The following XPO6 variants were observed in gnomAD, a reference collection of about 807,000 sequenced individuals.
XPO6 encodes the protein exportin-6.
A neutral mutation model predicts 130.0 loss-of-function variants in XPO6; 3 were observed. The observed-to-expected ratio is 0.02, with a 90% CI of 0.01 to 0.06. The LOEUF (loss-of-function observed/expected upper bound fraction) is 0.06, where lower values mean the gene tolerates loss of function less well. Among genes scored for constraint, XPO6 ranks in the 10% least tolerant of loss-of-function variants. The pLI is 1.00. For synonymous variants in XPO6, 524 were observed against 548.9 expected (o/e 0.95, Z 0.63); for missense variants, 970 against 1,393.0 (o/e 0.70, Z 4.83).
intron 1 of XPO6, among the ~76,000 whole-genome samples, chr16:28,202,647 C>T (rs1596976023): frequency 6.6e-6 from 1 of 152,226 alleles, no homozygotes; most frequent in South Asian, 2.1e-4. Flanking sequence ...AGAACCAGGG[C>T]AAGACAGAGG....
chr16:28,190,949 A>T (rs1172972066), intron 1 of XPO6, among the ~76,000 whole-genome samples: 1 of 152,216 alleles, frequency 6.6e-6, no homozygotes, highest in Non-Finnish European at 1.5e-5. Context: ...GTTTGGGTAA[A>T]GGGTATGAGA....
chr16:28,119,658 A>G (rs74418508), intron 14 of XPO6, among the ~76,000 whole-genome samples: 4 of 148,474 alleles, frequency 2.7e-5, no homozygotes, highest in Non-Finnish European at 4.5e-5. Context: ...TGGATCCAAG[A>G]AAAAAAAAAG....
At chr16:28,122,124 C>A (rs1017149700) in intron 13 of XPO6, among the ~76,000 whole-genome samples, 13 of 152,074 alleles carry the variant, frequency 8.5e-5, no homozygotes, top group Admixed American at 3.9e-4. Context: ...AATATACATA[C>A]AGAATACATC....
At chr16:28,171,717 T>G (rs2043453069) in intron 4 of XPO6, among the ~76,000 whole-genome samples, 1 of 152,200 alleles carries the variant, frequency 6.6e-6, no homozygotes, top group African/African-American at 2.4e-5. Context: ...ACAATTTTTA[T>G]CTTCGTTTTC....
intron 1 of XPO6, among the ~76,000 whole-genome samples, chr16:28,201,273 C>T (rs999687904): frequency 4.6e-5 from 7 of 152,198 alleles, no homozygotes; most frequent in African/African-American, 1.7e-4. Context: ...TTCACTCTTA[C>T]CACCCTCTCC....
intron 17 of XPO6, among the ~76,000 whole-genome samples, chr16:28,109,193 C>CA (rs553740941): frequency 6.7e-4 from 102 of 151,750 alleles, no homozygotes; most frequent in African/African-American, 2.4e-3. Flanking sequence ...AAATACAAGT[C>CA]AAAAATTGAA....
In XPO6 at chr16:28,166,473, A is replaced by G. The variant is rs73525027; in HGVS notation, c.643+35T>C. On this transcript the variant is annotated intron_variant, in intron 6 of 23. Transcript: ENST00000304658. ...CACACCTGGCCCCCAATACATTTAA[A>G]AAGAAGAATGCCTTGGCTGGCAGGC... 23,864 of 1,556,466 alleles carry G rather than the reference A, an allele frequency of 0.015. 2,313 individuals are homozygous for G. The African/African-American group carries it at 0.25, about 16-fold the overall frequency.
At chr16:28,134,336 G>A (rs1235648242) in intron 10 of XPO6, among the ~76,000 whole-genome samples, 1 of 152,178 alleles carries the variant, frequency 6.6e-6, no homozygotes, top group Non-Finnish European at 1.5e-5. Flanking sequence ...ATCCCCTGGT[G>A]GGCTGTCAGA....
In XPO6 at chr16:28,113,034, A is replaced by C; in HGVS notation, c.2021T>G (p.Leu674Arg). 14 of 1,614,068 alleles carry C rather than the reference A, an allele frequency of 8.7e-6. No individual in the cohort carries two copies. The highest frequency in any genetic ancestry group is 1.2e-5 in the Non-Finnish European group (14 of 1,179,988). Residue 674 changes from leucine (L) to arginine (R), a missense_variant, in exon 16 of 24, where the codon CTG becomes CGG. Leu to Arg is a moderately radical substitution (Grantham distance 102). Transcript: ENST00000304658. ...GACCAGTAAGTGGCACGCAGATAGC[A>C]GCAGCTTGTCTTGGACCTGCAGAGG... Reference protein sequence around the residue: ...LISTKVQDKLLLSACHLLVSL... With the variant: ...LISTKVQDKLRLSACHLLVSL...
rs11639685 is a variant in XPO6 at position 28,144,853 on chromosome 16, G to A, written c.1334+1241C>T. On this transcript the variant is annotated intron_variant, in intron 9 of 23. Transcript: ENST00000304658. ...GGAAACAGAAGCTTCCACAGGCTAA[G>A]TACCTTACCCAAGTACCCCTAGGTA... Among the ~76,000 whole-genome samples, 890 of 152,282 alleles carry A rather than the reference G, an allele frequency of 5.8e-3. 7 individuals carry two copies. Among genetic ancestry groups the A allele is most frequent in the Non-Finnish European group, 9.5e-3 (647 of 68,024 alleles).
chr16:28,206,112 G>A (rs945884959), intron 1 of XPO6, among the ~76,000 whole-genome samples: 1 of 148,384 alleles, frequency 6.7e-6, no homozygotes, highest in Non-Finnish European at 1.5e-5. Flanking sequence ...GTTCATAGAT[G>A]TAAGATGCCT....
intron 13 of XPO6, 149 bp from the exon 14 acceptor site, chr16:28,121,911 G>A: frequency 2.0e-5 from 12 of 588,912 alleles, no homozygotes; most frequent in South Asian, 6.3e-5. Context: ...TTTATGCCAA[G>A]GAAATAATCT....
rs776023941 is a variant in XPO6, at chr16:28,132,381, A to G, written c.1559T>C (p.Leu520Ser). Reference protein sequence around the residue: ...STLFPVLQDNLEVYLGLQQFI... With the variant: ...STLFPVLQDNSEVYLGLQQFI... Reference sequence around the variant, plus strand: ...CTGTTGTAATCCCAAATAAACTTCTAAATTGTCCTGAAGAACAGGGAACTG... The same window carrying G: ...CTGTTGTAATCCCAAATAAACTTCTGAATTGTCCTGAAGAACAGGGAACTG... Residue 520 changes from leucine to serine, a missense_variant, in exon 12 of 24, where the codon TTA (leucine) becomes TCA (serine). This residue lies in a region of XPO6 where 936 missense variants were observed against 1,306.8 expected (regional missense o/e 0.72). Coordinates refer to ENST00000304658, the MANE Select transcript of XPO6 (RefSeq NM_015171.4). This position sits in a 1 kb window ranked among gnomAD's most constrained non-coding sequence, Gnocchi z 4.0. 6.2e-7 allele frequency: 1 copy of G among 1,607,202 alleles called. No individual in the cohort carries two copies. Among genetic ancestry groups the G allele is most frequent in the Non-Finnish European group, 8.5e-7 (1 of 1,176,808 alleles).
intron 4 of XPO6, among the ~76,000 whole-genome samples, chr16:28,171,161 A>G (rs1165644017): frequency 2.6e-5 from 4 of 151,682 alleles, no homozygotes; most frequent in Admixed American, 1.3e-4. Flanking sequence ...CAGACTTTAT[A>G]TTCTTCACTT....
intron 4 of XPO6, among the ~76,000 whole-genome samples, chr16:28,171,084 T>C (rs2043441166): frequency 6.6e-6 from 1 of 151,984 alleles, no homozygotes; most frequent in Non-Finnish European, 1.5e-5. Flanking sequence ...TTTTTTTTTT[T>C]TTTACTTAAG....
chr16:28,196,001 A>G (rs1239870401), intron 1 of XPO6, among the ~76,000 whole-genome samples: 7 of 152,224 alleles, frequency 4.6e-5, no homozygotes. Flanking sequence ...GTAAATGCCT[A>G]GAAGTTTTCT....
At position 28,180,968 on chromosome 16, in the gene XPO6, T is replaced by C; in HGVS notation, c.67A>G (p.Thr23Ala). ...SLMTEFFHDC[T>A]TNERKREIEE... ...ATCTCACGTTTTCTTTCATTGGTTG[T>C]ACAATCGTGAAAAAATTCTGTCATC... Residue 23 changes from threonine to alanine, a missense_variant, in exon 2 of 24, where the codon ACA becomes GCA. Physicochemically the swap from Thr to Ala is moderately conservative, Grantham distance 58 (BLOSUM62 0). Transcript: ENST00000304658. The C allele has an allele frequency of 6.2e-7, 1 of 1,613,784 alleles. No homozygotes were observed. Among genetic ancestry groups the C allele is most frequent in the Non-Finnish European group, 8.5e-7 (1 of 1,179,910 alleles).
intron 1 of XPO6, among the ~76,000 whole-genome samples, chr16:28,187,703 T>C (rs191881130): frequency 2.1e-4 from 31 of 149,150 alleles, no homozygotes; most frequent in Admixed American, 1.8e-3. Context: ...CTGTATTTTC[T>C]ACAATATCTA....
At chr16:28,123,634 G>A (rs2087309693) in intron 13 of XPO6, among the ~76,000 whole-genome samples, 1 of 152,210 alleles carries the variant, frequency 6.6e-6, no homozygotes, top group Non-Finnish European at 1.5e-5. Flanking sequence ...CTTCCGGTCA[G>A]TCAAGAAAGT....
Sources: gnomAD v4.1 joint callset for allele counts (sites outside exome capture counted in the v4.1 genomes callset) on GRCh38, gnomAD v4.1.1 for gene constraint, gnomAD v4.1.1 regional missense constraint, Gnocchi (gnomAD v3.1) non-coding constraint, MANE v1.5 for transcripts, NCBI Gene and HGNC (gene_info 2026-07-23, HGNC 2026-07-21) for gene names.